GRIK2: variants seen among roughly 807,000 people sequenced by gnomAD.
GRIK2 encodes glutamate receptor ionotropic, kainate 2.
In GRIK2, 32 loss-of-function variants were observed where a neutral mutation model predicts 100.3. That is an observed-to-expected ratio of 0.32 (90% confidence interval 0.24 to 0.43). The LOEUF (loss-of-function observed/expected upper bound fraction) is 0.43. Among genes scored for constraint, GRIK2 ranks in the 20% least tolerant of loss-of-function variants. The pLI is 1.00. For synonymous variants in GRIK2, 417 were observed against 389.4 expected, an observed-to-expected ratio of 1.07 and a Z score of -0.83; for missense variants, 843 against 1,114.9, an observed-to-expected ratio of 0.76 and a Z score of 3.47.
intron 10 of GRIK2, among the ~76,000 whole-genome samples, chr6:101,837,256 C>G (rs1054036252): frequency 3.3e-5 from 5 of 152,064 alleles, no homozygotes; most frequent in Admixed American, 6.5e-5. Flanking sequence ...CTGAAATCTC[C>G]CTACATGATT....
intron 2 of GRIK2, among the ~76,000 whole-genome samples, chr6:101,557,648 C>T (rs940802522): frequency 6.6e-6 from 1 of 152,092 alleles, no homozygotes; most frequent in Non-Finnish European, 1.5e-5. Context: ...ACATACGCAC[C>T]CCTTATTCAC....
intron 2 of GRIK2, among the ~76,000 whole-genome samples, chr6:101,429,957 C>T (rs912589322): frequency 3.3e-5 from 5 of 152,148 alleles, no homozygotes; most frequent in Admixed American, 6.5e-5. Context: ...GAAACTGGGT[C>T]CTAACGCTTG....
intron 11 of GRIK2, among the ~76,000 whole-genome samples, chr6:101,863,478 C>G (rs575697394): frequency 6.6e-6 from 1 of 152,254 alleles, no homozygotes; most frequent in African/African-American, 2.4e-5. Flanking sequence ...TCTTCGACAC[C>G]TATAAAACTA....
intron 7 of GRIK2, among the ~76,000 whole-genome samples, chr6:101,729,177 C>T (rs1230522633): frequency 1.3e-5 from 2 of 152,008 alleles, no homozygotes; most frequent in East Asian, 3.9e-4. Context: ...TAATTGCAGG[C>T]AACCATTTCA....
At chr6:101,474,445 T>C (rs112033451) in intron 2 of GRIK2, among the ~76,000 whole-genome samples, 5,120 of 151,930 alleles carry the variant, frequency 0.034, 107 homozygotes, top group Non-Finnish European at 0.052. Context: ...TTACTTAGTA[T>C]TGTGTTGTTC....
chr6:101,999,825 G>A (rs1035932330), intron 14 of GRIK2, among the ~76,000 whole-genome samples: 2 of 151,802 alleles, frequency 1.3e-5, no homozygotes, highest in Non-Finnish European at 2.9e-5. Flanking sequence ...AACTTATATC[G>A]GGTTGGGGAA....
intron 7 of GRIK2, among the ~76,000 whole-genome samples, chr6:101,721,153 T>C (rs1325461410): frequency 6.6e-6 from 1 of 152,078 alleles, no homozygotes; most frequent in African/African-American, 2.4e-5. Context: ...CTCAGGACAG[T>C]TTAGTTTATT....
intron 2 of GRIK2, among the ~76,000 whole-genome samples, chr6:101,574,100 T>A (rs547402451): frequency 6.6e-6 from 1 of 151,416 alleles, no homozygotes; most frequent in South Asian, 2.1e-4. Context: ...TGAGATTATA[T>A]ATAAAAATAT....
At chr6:102,045,682 C>T (rs1485782072) in intron 15 of GRIK2, among the ~76,000 whole-genome samples, 2 of 151,710 alleles carry the variant, frequency 1.3e-5, no homozygotes, top group Admixed American at 1.3e-4. Flanking sequence ...AATAAACAAC[C>T]CCACTAAAAA....
intron 2 of GRIK2, among the ~76,000 whole-genome samples, chr6:101,405,861 A>G (rs1775567378): frequency 6.6e-6 from 1 of 152,256 alleles, no homozygotes; most frequent in Non-Finnish European, 1.5e-5. Flanking sequence ...CTAGAATAAC[A>G]TGAAACCAAA....
chr6:101,826,836 C>T (rs1023010486), intron 10 of GRIK2, among the ~76,000 whole-genome samples: 8 of 151,904 alleles, frequency 5.3e-5, no homozygotes, highest in Non-Finnish European at 1.0e-4. Context: ...GTCACTATGC[C>T]GAATCCTCCC....
At chr6:101,430,354 TG>T (rs1335975973) in intron 2 of GRIK2, 2 of 163,252 alleles carry the variant, frequency 1.2e-5, no homozygotes, top group Non-Finnish European at 2.7e-5. Context: ...GAGACTAGCA[TG>T]AAGTGTTCTG....
At chr6:101,516,771 C>T (rs1168038596) in intron 2 of GRIK2, among the ~76,000 whole-genome samples, 1 of 152,094 alleles carries the variant, frequency 6.6e-6, no homozygotes, top group African/African-American at 2.4e-5. Flanking sequence ...TGGCTGCCTT[C>T]CCAGCAAAAG....
At position 101,448,291 on chromosome 6, in the gene GRIK2, A is replaced by T. The variant is rs1056494985; in HGVS notation, c.115+48899A>T. 4.0e-5 allele frequency among the ~76,000 whole-genome samples: 6 copies of T among 151,714 alleles called. No homozygotes were observed. The Admixed American group carries it at 4.0e-4, about 10-fold the overall frequency. Reference sequence around the variant, plus strand: ...TTTGATTTCAAACATTAAACTGTCCATATATCTGAGCACCAAAATAAGTTG... The same window carrying T: ...TTTGATTTCAAACATTAAACTGTCCTTATATCTGAGCACCAAAATAAGTTG... On this transcript the variant is annotated intron_variant, in intron 2 of 16. Transcript: ENST00000369134.
At chr6:101,749,948 G>A (rs1359081528) in intron 7 of GRIK2, among the ~76,000 whole-genome samples, 1 of 151,614 alleles carries the variant, frequency 6.6e-6, no homozygotes, top group Non-Finnish European at 1.5e-5. Context: ...AAGTAGCTGG[G>A]ATTACAGATG....
intron 2 of GRIK2, among the ~76,000 whole-genome samples, chr6:101,514,621 G>A (rs1262964296): frequency 1.3e-5 from 2 of 151,966 alleles, no homozygotes; most frequent in South Asian, 2.1e-4. Context: ...TAGAAACACT[G>A]GTGTTTTGAG....
At chr6:101,501,463 A>C (rs1429480876) in intron 2 of GRIK2, among the ~76,000 whole-genome samples, 1 of 152,210 alleles carries the variant, frequency 6.6e-6, no homozygotes, top group African/African-American at 2.4e-5. Flanking sequence ...TGCAGATTGC[A>C]TAATTGCTGC....
chr6:101,658,521 C>T (rs1022026559), intron 4 of GRIK2, among the ~76,000 whole-genome samples: 1 of 152,148 alleles, frequency 6.6e-6, no homozygotes, highest in Non-Finnish European at 1.5e-5. Flanking sequence ...CATACGTGTG[C>T]ATGTGTCTTT....
At chr6:101,937,685 C>T (rs967014678) in intron 14 of GRIK2, among the ~76,000 whole-genome samples, 4 of 151,448 alleles carry the variant, frequency 2.6e-5, no homozygotes, top group Non-Finnish European at 4.4e-5. Flanking sequence ...AACATACAAA[C>T]AAAAAAACCC....
Sources: allele counts gnomAD v4.1 joint callset (sites outside exome capture counted in the v4.1 genomes callset), GRCh38; gene constraint gnomAD v4.1.1; transcripts MANE v1.5; gene names NCBI Gene and HGNC (gene_info 2026-07-23, HGNC 2026-07-21).